Variants in RERE observed in about 807,000 individuals in gnomAD.
RERE encodes the protein arginine-glutamic acid dipeptide repeats, also known as arginine-glutamic acid dipeptide repeats protein.
RERE carries 40 observed loss-of-function variants against 146.1 expected under a neutral mutation model. The ratio of observed to expected loss-of-function variants is 0.27; its 90% CI spans 0.21 to 0.36. RERE has a LOEUF of 0.36. Ranked by LOEUF, RERE falls within the 10% of genes least tolerant of loss-of-function variation. The pLI, the probability that RERE is intolerant of heterozygous loss-of-function variation, is 1.00. For synonymous variants in RERE, 1,003 were observed against 866.0 expected (o/e 1.16, Z -2.78); for missense variants, 1,933 against 2,138.7 (o/e 0.90, Z 1.90).
intron 7 of RERE, chr1:8,525,756 T>C: frequency 6.3e-7 from 1 of 1,598,206 alleles, no homozygotes; most frequent in Non-Finnish European, 8.5e-7. Context: ...GAAGATAGCC[T>C]ACCTGCAGGG....
chr1:8,421,847 A>G (rs1643914589), intron 12 of RERE, among the ~76,000 whole-genome samples: 1 of 152,180 alleles, frequency 6.6e-6, no homozygotes, highest in African/African-American at 2.4e-5. Flanking sequence ...CACTCCTCCC[A>G]AAGTCCTGAA....
chr1:8,691,738 C>T (rs764936995), intron 1 of RERE, among the ~76,000 whole-genome samples: 1 of 152,172 alleles, frequency 6.6e-6, no homozygotes, highest in African/African-American at 2.4e-5. Context: ...TCAGGAGAGC[C>T]TATCCAAATC....
In RERE at chr1:8,699,029, G is replaced by A. The variant is rs144277053; in HGVS notation, c.-144-42588C>T. The stretch of plus-strand genomic sequence containing the variant: ...CAGAAATTATGTTTGTAAGTTTCAC[G>A]AATCATCATGCTCATTTTTATTTGT... On this transcript the variant is annotated intron_variant, in intron 1 of 22. Coordinates refer to ENST00000400908, the MANE Select transcript of RERE (RefSeq NM_001042681.2). Among the ~76,000 whole-genome samples, 233 of 152,238 alleles carry A rather than the reference G, an allele frequency of 1.5e-3. 3 individuals carry two copies. The South Asian group carries it at 0.016, about 11-fold the overall frequency.
chr1:8,454,198 A>T (rs1644423262), intron 11 of RERE, among the ~76,000 whole-genome samples: 1 of 152,242 alleles, frequency 6.6e-6, no homozygotes, highest in South Asian at 2.1e-4. Flanking sequence ...TAGAAAAATA[A>T]AAGTATGATC....
chr1:8,417,342 C>T (rs1028082719), intron 12 of RERE, among the ~76,000 whole-genome samples: 1 of 152,136 alleles, frequency 6.6e-6, no homozygotes, highest in Non-Finnish European at 1.5e-5. Context: ...AGTTAATGGC[C>T]AGTAGTTACG....
At chr1:8,603,891 G>C (rs1020602815) in intron 4 of RERE, among the ~76,000 whole-genome samples, 1 of 136,804 alleles carries the variant, frequency 7.3e-6, no homozygotes, top group Non-Finnish European at 1.5e-5. Flanking sequence ...AGTGAGCCCT[G>C]AACATGCCAC....
intron 1 of RERE, among the ~76,000 whole-genome samples, chr1:8,789,839 T>G (rs1557544392): frequency 6.6e-6 from 1 of 152,198 alleles, no homozygotes; most frequent in Non-Finnish European, 1.5e-5. Flanking sequence ...GCACCCATTC[T>G]TCGATGGCCC....
At chr1:8,766,004 T>C (rs1295132951) in intron 1 of RERE, among the ~76,000 whole-genome samples, 1 of 151,412 alleles carries the variant, frequency 6.6e-6, no homozygotes, top group Non-Finnish European at 1.5e-5. Context: ...TCCTAGCTAC[T>C]TGGGAGGCTG....
intron 1 of RERE, among the ~76,000 whole-genome samples, chr1:8,770,279 G>A (rs1640919537): frequency 6.6e-6 from 1 of 152,070 alleles, no homozygotes; most frequent in South Asian, 2.1e-4. Flanking sequence ...ATGAGGTACA[G>A]TACCTGACAC....
chr1:8,550,839 T>A (rs909823636), intron 6 of RERE, among the ~76,000 whole-genome samples: 4 of 152,102 alleles, frequency 2.6e-5, no homozygotes, highest in African/African-American at 9.7e-5. Context: ...TGAGCCACCG[T>A]GCCCGGCCAC....
chr1:8,772,281 C>A (rs1308454283), intron 1 of RERE, among the ~76,000 whole-genome samples: 1 of 151,986 alleles, frequency 6.6e-6, no homozygotes, highest in Non-Finnish European at 1.5e-5. Flanking sequence ...CTGAAACTTA[C>A]TGCTACTTGA....
intron 8 of RERE, among the ~76,000 whole-genome samples, chr1:8,501,912 A>G (rs1645167168): frequency 1.2e-5 from 1 of 82,146 alleles, no homozygotes; most frequent in African/African-American, 4.7e-5. Context: ...CCGCCCGGCC[A>G]GCCGCCCCGT....
chr1:8,746,029 C>A (rs1354020036), intron 1 of RERE, among the ~76,000 whole-genome samples: 1 of 152,250 alleles, frequency 6.6e-6, no homozygotes, highest in Non-Finnish European at 1.5e-5. Flanking sequence ...CCTGCCACTG[C>A]ACTGCAGCCT....
rs1317556168 is a variant in RERE, at chr1:8,364,917, G to GA, written c.1448-80dup. 8.0e-6 allele frequency: 4 copies of GA among 499,996 alleles called. No homozygotes were observed. The highest frequency in any genetic ancestry group is 6.7e-5 in the African/African-American group (3 of 44,546). The allele number at this position is 499,996 out of a possible 1,614,324, so 31.0% of individuals were successfully genotyped here. On this transcript the variant is annotated intron_variant, in intron 13 of 22. Transcript: ENST00000400908. This position sits in a 1 kb window ranked among gnomAD's most constrained non-coding sequence, Gnocchi z 5.1. Reference sequence around the variant, plus strand: ...AAGGCTGGGCCGGTGGGGTGGGGGGGAGGGGGGAACACCTGTGACCTCTGG... The same window carrying GA: ...AAGGCTGGGCCGGTGGGGTGGGGGGGAAGGGGGGAACACCTGTGACCTCTGG...
At position 8,355,070 on chromosome 1, in the gene RERE, G is replaced by A. The variant is rs369035085; in HGVS notation, c.*17C>T. The A allele has an allele frequency of 9.9e-6, 16 of 1,611,416 alleles. No homozygotes were observed. Among genetic ancestry groups the A allele is most frequent in the East Asian group, 4.5e-5 (2 of 44,868 alleles). Reference sequence around the variant, plus strand: ...AAGAACTGGGGTTTCCACAGCCAGCGTTAACAAATAAATAACTTATAACTG... The same window carrying A: ...AAGAACTGGGGTTTCCACAGCCAGCATTAACAAATAAATAACTTATAACTG... On this transcript the variant is annotated 3_prime_UTR_variant, in exon 23 of 23. Coordinates refer to ENST00000400908, the MANE Select transcript of RERE (RefSeq NM_001042681.2).
At position 8,655,218 on chromosome 1, in the gene RERE, T is replaced by C. The variant is rs1044268319; in HGVS notation, c.325+755A>G. Reference sequence around the variant, plus strand: ...ATCTCTGATCTTCAGGGCTTTTTTTTTTTTCTGAGACGGAGACTCGCTCTG... The same window carrying C: ...ATCTCTGATCTTCAGGGCTTTTTTTCTTTTCTGAGACGGAGACTCGCTCTG... On this transcript the variant is annotated intron_variant, in intron 2 of 22. Coordinates refer to ENST00000400908, the MANE Select transcript of RERE (RefSeq NM_001042681.2). Among the ~76,000 whole-genome samples the C allele has an allele frequency of 5.3e-5, 8 of 151,926 alleles. 1 individual carries two copies. Among genetic ancestry groups the C allele is most frequent in the African/African-American group, 1.9e-4 (8 of 41,356 alleles).
chr1:8,483,810 CAT>C (rs1644865125), intron 10 of RERE, among the ~76,000 whole-genome samples: 1 of 152,200 alleles, frequency 6.6e-6, no homozygotes, highest in African/African-American at 2.4e-5. Flanking sequence ...AGCAAACAAA[CAT>C]GTACTCTCTT....
At chr1:8,532,815 G>T (rs779659131) in intron 7 of RERE, among the ~76,000 whole-genome samples, 1 of 152,056 alleles carries the variant, frequency 6.6e-6, no homozygotes, top group African/African-American at 2.4e-5. Context: ...GACTGGTCTT[G>T]AACTCCTGAC....
At chr1:8,550,106 A>T (rs577350645) in intron 6 of RERE, among the ~76,000 whole-genome samples, 2 of 152,350 alleles carry the variant, frequency 1.3e-5, no homozygotes, top group Admixed American at 6.5e-5. Context: ...TTGTAGAAGA[A>T]GTTCACATTG....
Sources: allele counts gnomAD v4.1 joint callset (sites outside exome capture counted in the v4.1 genomes callset), GRCh38; gene constraint gnomAD v4.1.1; non-coding constraint Gnocchi (gnomAD v3.1); transcripts MANE v1.5; gene names NCBI Gene and HGNC (gene_info 2026-07-23, HGNC 2026-07-21).